KSR2: variants seen among roughly 807,000 people sequenced by gnomAD.
KSR2 encodes the protein kinase suppressor of ras 2.
Under a neutral mutation model 107.8 loss-of-function variants are expected in KSR2, and 25 were observed. The observed-to-expected ratio is 0.23, with a 90% confidence interval of 0.17 to 0.32. KSR2 has a LOEUF of 0.32. KSR2 is among the 10% of genes least tolerant of loss of function. The pLI is 1.00. For missense variants in KSR2, 887 were observed against 1,268.9 expected (o/e 0.70, Z 4.57); for synonymous variants, 480 against 507.0 (o/e 0.95, Z 0.71).
chr12:117,803,382 C>T (rs374161342), intron 3 of KSR2, among the ~76,000 whole-genome samples: 1 of 152,162 alleles, frequency 6.6e-6, no homozygotes, highest in Non-Finnish European at 1.5e-5. Flanking sequence ...TATGTACCCC[C>T]GACCCCATGC....
At chr12:117,658,211 T>C (rs1364695632) in intron 5 of KSR2, among the ~76,000 whole-genome samples, 1 of 152,224 alleles carries the variant, frequency 6.6e-6, no homozygotes, top group Non-Finnish European at 1.5e-5. Context: ...CTGTAGACTA[T>C]GAACAGTGGG....
intron 4 of KSR2, among the ~76,000 whole-genome samples, chr12:117,714,118 C>T (rs1886891257): frequency 6.6e-6 from 1 of 152,056 alleles, no homozygotes; most frequent in South Asian, 2.1e-4. Context: ...GTTAAATATT[C>T]ATTCAAATGC....
At chr12:117,901,459 C>T (rs1262947981) in intron 1 of KSR2, among the ~76,000 whole-genome samples, 1 of 151,940 alleles carries the variant, frequency 6.6e-6, no homozygotes, top group Non-Finnish European at 1.5e-5. Flanking sequence ...CCTGCCACCA[C>T]ATCCAGCTAA....
At chr12:117,719,664 T>C (rs1286835829) in intron 4 of KSR2, among the ~76,000 whole-genome samples, 3 of 152,228 alleles carry the variant, frequency 2.0e-5, no homozygotes, top group African/African-American at 7.2e-5. Context: ...CATCTTATGC[T>C]AGACCCTCTT....
intron 1 of KSR2, among the ~76,000 whole-genome samples, chr12:117,955,800 GC>G (rs1413049796): frequency 2.0e-5 from 3 of 149,930 alleles, no homozygotes; most frequent in Admixed American, 6.7e-5. Flanking sequence ...CTGTTCCATA[GC>G]AATATACAGT....
chr12:117,799,156 T>G (rs1005746080), intron 3 of KSR2, among the ~76,000 whole-genome samples: 2 of 152,222 alleles, frequency 1.3e-5, no homozygotes, highest in African/African-American at 4.8e-5. Context: ...ATAGTGGTGA[T>G]GATTGCACAA....
intron 3 of KSR2, among the ~76,000 whole-genome samples, chr12:117,836,384 C>T (rs914001113): frequency 6.6e-6 from 1 of 152,248 alleles, no homozygotes; most frequent in Non-Finnish European, 1.5e-5. Flanking sequence ...TGGAGAGAAA[C>T]CTTTCACTTC....
At chr12:117,588,570 A>G (rs60088204) in intron 5 of KSR2, among the ~76,000 whole-genome samples, 6,112 of 152,338 alleles carry the variant, frequency 0.04, 268 homozygotes, top group East Asian at 0.24. Context: ...CCGATAGTCA[A>G]GTCCTGGCTG....
intron 4 of KSR2, among the ~76,000 whole-genome samples, chr12:117,733,528 T>A (rs1187671156): frequency 6.6e-6 from 1 of 152,192 alleles, no homozygotes; most frequent in African/African-American, 2.4e-5. Context: ...ATTTGCACAC[T>A]GTCTACGGCT....
At chr12:117,937,897 A>T (rs932417341) in intron 1 of KSR2, among the ~76,000 whole-genome samples, 3 of 150,978 alleles carry the variant, frequency 2.0e-5, no homozygotes, top group African/African-American at 7.3e-5. Flanking sequence ...TTGAACCAGG[A>T]AGCAGAGGTT....
chr12:117,720,064 G>A (rs1292689224), intron 4 of KSR2, among the ~76,000 whole-genome samples: 2 of 152,196 alleles, frequency 1.3e-5, no homozygotes, highest in Non-Finnish European at 2.9e-5. Flanking sequence ...GAGAAGCTGG[G>A]TATAGGGAGC....
At chr12:117,476,313 C>T in intron 17 of KSR2, 151 bp downstream of exon 17, 1 of 833,838 alleles carries the variant, frequency 1.2e-6, no homozygotes, top group Non-Finnish European at 1.8e-6. Flanking sequence ...CTAGTATACC[C>T]TACTCAGGTT....
At chr12:117,585,651 A>AT (rs5801242) in intron 5 of KSR2, among the ~76,000 whole-genome samples, 22,459 of 152,186 alleles carry the variant, frequency 0.15, 1,845 homozygotes, top group East Asian at 0.2. Context: ...AAGGGGAAAA[A>AT]ATATATGAAA....
At chr12:117,770,752 G>A (rs1395262362) in intron 3 of KSR2, among the ~76,000 whole-genome samples, 1 of 151,736 alleles carries the variant, frequency 6.6e-6, no homozygotes, top group East Asian at 1.9e-4. Context: ...CAGATCACGA[G>A]GTCAGGAGAT....
intron 3 of KSR2, among the ~76,000 whole-genome samples, chr12:117,764,072 A>G (rs905786456): frequency 7.9e-5 from 12 of 152,162 alleles, no homozygotes; most frequent in Non-Finnish European, 1.6e-4. Context: ...GCTTTCATGA[A>G]CACTGACTCA....
rs558965116 is a variant in KSR2 at position 117,620,458 on chromosome 12, T to C, written c.1172-38099A>G. On this transcript the variant is annotated intron_variant, in intron 5 of 19. Coordinates refer to ENST00000339824, the MANE Select transcript of KSR2 (RefSeq NM_173598.6). ...TGCCTGCCATTAGTTGATGTTTGCT[T>C]AGGGACCACACATTTGTGTTATGGC... Among the ~76,000 whole-genome samples, 57 of 152,288 alleles carry C rather than the reference T, an allele frequency of 3.7e-4. 1 individual carries two copies. The South Asian group carries it at 0.011, about 30-fold the overall frequency.
chr12:117,939,099 TA>T (rs1420538394), intron 1 of KSR2, among the ~76,000 whole-genome samples: 1 of 152,186 alleles, frequency 6.6e-6, no homozygotes, highest in Non-Finnish European at 1.5e-5. Flanking sequence ...GCAAGGCAGA[TA>T]TAATCACAGT....
At chr12:117,509,026 G>C (rs1192125510) in intron 14 of KSR2, among the ~76,000 whole-genome samples, 1 of 151,842 alleles carries the variant, frequency 6.6e-6, no homozygotes, top group South Asian at 2.1e-4. Flanking sequence ...GACAGGTAAG[G>C]GGTCTGGGGG....
chr12:117,542,917 C>T (rs1182585655), intron 9 of KSR2, among the ~76,000 whole-genome samples: 1 of 152,178 alleles, frequency 6.6e-6, no homozygotes, highest in East Asian at 1.9e-4. Context: ...CAAGTTGTTG[C>T]AGGTATCGAT....
Sources: allele counts gnomAD v4.1 joint callset (sites outside exome capture counted in the v4.1 genomes callset), GRCh38; gene constraint gnomAD v4.1.1; transcripts MANE v1.5; gene names NCBI Gene and HGNC (gene_info 2026-07-23, HGNC 2026-07-21).